The following CAST variants were observed in gnomAD, a reference collection of about 807,000 sequenced individuals.
CAST encodes the protein MIR583 host.
In CAST, 76 loss-of-function variants were observed where a neutral mutation model predicts 119.6. The ratio of observed to expected loss-of-function variants is 0.64; its 90% CI spans 0.53 to 0.77. The LOEUF (loss-of-function observed/expected upper bound fraction) is 0.77, where lower values mean the gene tolerates loss of function less well. CAST is among the 30% of genes least tolerant of loss of function. The probability of loss-of-function intolerance (pLI) is 0.00; values close to 1 mark genes in which losing one functional copy is unlikely to be tolerated. For missense variants in CAST, 953 were observed against 946.5 expected (o/e 1.01, Z -0.09); for synonymous variants, 319 against 331.6 (o/e 0.96, Z 0.41).
At chr5:96,147,932 TC>T in the CAST span, among the ~76,000 whole-genome samples, 1 of 152,256 alleles carries the variant, frequency 6.6e-6, no homozygotes, top group African/African-American at 2.4e-5. Flanking sequence ...CACTGTTAGC[TC>T]AGTATTAGAA....
chr5:95,964,584 A>C, the CAST span, among the ~76,000 whole-genome samples: 1 of 152,180 alleles, frequency 6.6e-6, no homozygotes, highest in African/African-American at 2.4e-5. Flanking sequence ...AGGTGATAGA[A>C]CTTGAACAGC....
the CAST span, chr5:96,421,964 GAC>G: frequency 1.5e-6 from 1 of 658,050 alleles, no homozygotes; most frequent in East Asian, 5.2e-5. Flanking sequence ...ATCCTAAAGA[GAC>G]AACAAAATAT....
At chr5:96,557,933 A>G (rs1268845833) in intron 1 of CAST, among the ~76,000 whole-genome samples, 1 of 152,200 alleles carries the variant, frequency 6.6e-6, no homozygotes, top group East Asian at 1.9e-4. Flanking sequence ...CACCTATTCC[A>G]AAACTGACCA....
At chr5:96,497,923 T>G in the CAST span, among the ~76,000 whole-genome samples, 1 of 152,366 alleles carries the variant, frequency 6.6e-6, no homozygotes, top group East Asian at 1.9e-4. Flanking sequence ...GTTTTAGACA[T>G]GAAGTCCTTG....
intron 4 of CAST, 98 bp downstream of exon 4, chr5:96,722,796 T>C (rs1217349038): frequency 2.3e-6 from 2 of 852,098 alleles, no homozygotes; most frequent in Non-Finnish European, 4.0e-6. Context: ...TTATATATGC[T>C]AGGAAGTTTT....
the CAST span, among the ~76,000 whole-genome samples, chr5:96,093,738 G>C: frequency 6.6e-6 from 1 of 152,132 alleles, no homozygotes; most frequent in South Asian, 2.1e-4. Flanking sequence ...GCAGGAGATG[G>C]TAAAATGAGA....
At chr5:96,108,344 T>C in the CAST span, among the ~76,000 whole-genome samples, 1 of 152,182 alleles carries the variant, frequency 6.6e-6, no homozygotes, top group South Asian at 2.1e-4. Flanking sequence ...TTTTTCCCCA[T>C]CTTTGTGGTT....
chr5:96,608,168 G>A (rs1747295936), intron 1 of CAST, among the ~76,000 whole-genome samples: 1 of 152,064 alleles, frequency 6.6e-6, no homozygotes, highest in Non-Finnish European at 1.5e-5. Context: ...CAATTTTTTA[G>A]ATTCCACATA....
the CAST span, among the ~76,000 whole-genome samples, chr5:96,209,820 C>G: frequency 6.6e-6 from 1 of 151,542 alleles, no homozygotes; most frequent in Non-Finnish European, 1.5e-5. Flanking sequence ...GGGTGGTTGT[C>G]TTGTACAGTA....
the CAST span, among the ~76,000 whole-genome samples, chr5:96,445,389 A>G: frequency 6.6e-6 from 1 of 152,152 alleles, no homozygotes; most frequent in Non-Finnish European, 1.5e-5. Flanking sequence ...GCTATGAAAG[A>G]AAGAAAAAGA....
chr5:96,163,022 G>A, the CAST span, among the ~76,000 whole-genome samples: 5 of 151,978 alleles, frequency 3.3e-5, no homozygotes, highest in African/African-American at 9.7e-5. Flanking sequence ...AATTCTACTG[G>A]GCTTTTCTTT....
At chr5:96,742,543 C>G in intron 15 of CAST, 112 bp from the exon 16 acceptor site, 3 of 738,180 alleles carry the variant, frequency 4.1e-6, no homozygotes, top group Non-Finnish European at 4.6e-6. Context: ...TAGAGCACTT[C>G]CCCAATCCAT....
chr5:96,074,019 GCTAGGCTAATCACATTCT>G, the CAST span, among the ~76,000 whole-genome samples: 1 of 152,134 alleles, frequency 6.6e-6, no homozygotes, highest in African/African-American at 2.4e-5. Flanking sequence ...CATGACCCAA[GCTAGGCTAATCACATTCT>G]CTGTGAGTTG....
the CAST span, chr5:95,973,323 C>G: frequency 3.2e-4 from 50 of 156,150 alleles, no homozygotes; most frequent in Admixed American, 5.7e-4. Flanking sequence ...ATGTTACAAT[C>G]TGGTTGGGCC....
the CAST span, chr5:96,392,074 A>T: frequency 6.6e-6 from 1 of 152,192 alleles, no homozygotes. Context: ...CCCTATTATG[A>T]GTATTTTTCT....
chr5:96,590,653 G>A (rs1746946204), intron 1 of CAST, among the ~76,000 whole-genome samples: 1 of 152,194 alleles, frequency 6.6e-6, no homozygotes, highest in African/African-American at 2.4e-5. Context: ...AAAGTAAATA[G>A]AAGTAGGAAG....
At chr5:96,416,234 GTT>G in the CAST span, 1 of 741,082 alleles carries the variant, frequency 1.3e-6, no homozygotes, top group East Asian at 2.7e-5. Context: ...CCTTGTTACT[GTT>G]TTTGTTTGTT....
the CAST span, among the ~76,000 whole-genome samples, chr5:96,379,016 G>T: frequency 6.6e-6 from 1 of 152,112 alleles, no homozygotes; most frequent in Non-Finnish European, 1.5e-5. Flanking sequence ...CTTCACAGAT[G>T]TGCCATAATT....
chr5:96,132,914 T>A, the CAST span, among the ~76,000 whole-genome samples: 3 of 152,104 alleles, frequency 2.0e-5, no homozygotes, highest in African/African-American at 7.2e-5. Flanking sequence ...TAAGACAAGA[T>A]GCTAAAAGGA....
Sources: gnomAD v4.1 joint callset for allele counts (sites outside exome capture counted in the v4.1 genomes callset) on GRCh38, gnomAD v4.1.1 for gene constraint, MANE v1.5 for transcripts, NCBI Gene and HGNC (gene_info 2026-07-23, HGNC 2026-07-21) for gene names.